PLXND1: variants seen among roughly 807,000 people sequenced by gnomAD.
PLXND1 encodes plexin D1.
Under a neutral mutation model 197.7 loss-of-function variants are expected in PLXND1, and 54 were observed. The observed-to-expected ratio is 0.27, with a 90% CI of 0.22 to 0.34. The LOEUF (loss-of-function observed/expected upper bound fraction) is 0.34, where lower values mean the gene tolerates loss of function less well. Among genes scored for constraint, PLXND1 ranks in the 10% least tolerant of loss-of-function variants. The pLI, the probability that PLXND1 is intolerant of heterozygous loss-of-function variation, is 1.00. For synonymous variants in PLXND1, 1,180 were observed against 1,161.2 expected (o/e 1.02, Z -0.33); for missense variants, 2,127 against 2,699.2 (o/e 0.79, Z 4.70).
chr3:129,573,710 G>A lies in PLXND1; in HGVS notation c.2721C>T (p.Thr907=), dbSNP rs747463698. The A allele has an allele frequency of 1.2e-6, 2 of 1,613,712 alleles. No individual in the cohort carries two copies. Among genetic ancestry groups the A allele is most frequent in the Admixed American group, 1.7e-5 (1 of 60,014 alleles). The part of the protein sequence containing the change: ...EPLSGPLDGG[T]LLTIRGRNLG... Reference sequence around the variant, plus strand: ...GGTTCCTTCCTCGGATGGTCAGCAGGGTCCCACCGTCCAACGGGCCACTCA... The same window carrying A: ...GGTTCCTTCCTCGGATGGTCAGCAGAGTCCCACCGTCCAACGGGCCACTCA... Residue 907 remains threonine (T), a synonymous_variant, in exon 13 of 36, where the codon ACC becomes ACT. Transcript: ENST00000324093.
Position 129,561,914 on chromosome 3 carries a change from A to C in PLXND1, c.4826-11T>G, listed in dbSNP as rs1489508877. The C allele has an allele frequency of 6.2e-7, 1 of 1,600,262 alleles. No individual in the cohort carries two copies. Among genetic ancestry groups the C allele is most frequent in the African/African-American group, 1.3e-5 (1 of 74,636 alleles). On this transcript the variant is annotated splice_polypyrimidine_tract_variant and intron_variant, in intron 27 of 35. Transcript: ENST00000324093. ...TGGAGGCGAACCACTCTGGGGGACA[A>C]GGGACAGGCCATCAGGGTCCGGGCA...
At position 129,560,727 on chromosome 3, in the gene PLXND1, T is replaced by C. The variant is rs2170774; in HGVS notation, c.4994-4A>G. 0.15 allele frequency: 229,132 copies of C among 1,571,764 alleles called. 19,329 individuals are homozygous for C. Among genetic ancestry groups the C allele is most frequent in the African/African-American group, 0.29 (21,446 of 73,794 alleles). ...TTCTCTGTGTCCAAGTCTTTCACTG[T>C]GAGAGGAAAAACACAATAAATAAAC... On this transcript the variant is annotated splice_polypyrimidine_tract_variant and splice_region_variant and intron_variant, in intron 29 of 35. Coordinates refer to ENST00000324093, the MANE Select transcript of PLXND1 (RefSeq NM_015103.3).
At chr3:129,585,405 C>T (rs1295411307) in intron 5 of PLXND1, among the ~76,000 whole-genome samples, 1 of 152,234 alleles carries the variant, frequency 6.6e-6, no homozygotes, top group Non-Finnish European at 1.5e-5. Context: ...ACCGCCAAGG[C>T]TGCCTGCCAG....
Position 129,571,250 on chromosome 3 carries a change from C to T in PLXND1, c.3390G>A (p.Leu1130=), listed in dbSNP as rs753179536. Residue 1130 remains leucine, a synonymous_variant, in exon 18 of 36, where the codon CTG becomes CTA. Transcript: ENST00000324093. ...AGTCCACTGGCGCTGATGCGTTGCT[C>T]AGGGCCCCGGGGGACGGGCAGGTGA... ...TLITCPSPGA[L]SNASAPVDFF... is the part of the protein sequence containing the mutation. The T allele has an allele frequency of 1.5e-5, 25 of 1,613,882 alleles. No homozygotes were observed. In the African/African-American group the frequency reaches 2.7e-4, roughly 17 times the overall value.
At position 129,572,855 on chromosome 3, in the gene PLXND1, C is replaced by T. The variant is rs200800403; in HGVS notation, c.2924G>A (p.Arg975His). 2.3e-5 allele frequency: 37 copies of T among 1,613,450 alleles called. No homozygotes were observed. The highest frequency in any genetic ancestry group is 1.5e-4 in the Admixed American group (9 of 59,990). Reference protein sequence around the residue: ...NASKEGKSRDRFSYVLPLVHS... With the variant: ...NASKEGKSRDHFSYVLPLVHS... ...GCCCCCCCTTACCACGTAGGAGAAG[C>T]GGTCCCGGGACTTGCCCTCCTTAGA... Residue 975 changes from arginine to histidine, a missense_variant, in exon 14 of 36, where the codon CGC becomes CAC. Arg to His is a conservative substitution (Grantham distance 29, BLOSUM62 0). Transcript: ENST00000324093.
intron 1 of PLXND1, among the ~76,000 whole-genome samples, chr3:129,596,084 G>A (rs531322126): frequency 1.3e-3 from 195 of 152,090 alleles, no homozygotes; most frequent in Non-Finnish European, 2.3e-3. Context: ...GACAGCAATA[G>A]CACCCACCAC....
At chr3:129,565,821 C>T in intron 24 of PLXND1, 66 bp downstream of exon 24, 4 of 1,556,242 alleles carry the variant, frequency 2.6e-6, no homozygotes, top group Non-Finnish European at 3.5e-6. Context: ...GGACCCAGGA[C>T]CTGATGCTGT....
At chr3:129,576,507 T>C (rs2085316316) in intron 9 of PLXND1, among the ~76,000 whole-genome samples, 1 of 152,170 alleles carries the variant, frequency 6.6e-6, no homozygotes. Context: ...CCCATCCCTG[T>C]GTGCCAGGCA....
At chr3:129,574,592 A>G (rs577746152) in intron 11 of PLXND1, 102 bp from the exon 12 acceptor site, 53 of 1,204,280 alleles carry the variant, frequency 4.4e-5, no homozygotes, top group Non-Finnish European at 5.8e-5. Context: ...TCTGCGCCCC[A>G]TCATTGTGGT....
At position 129,583,419 on chromosome 3, in the gene PLXND1, G is replaced by T. The variant is rs886976929; in HGVS notation, c.2241+148C>A. On this transcript the variant is annotated intron_variant, in intron 8 of 35. Coordinates refer to ENST00000324093, the MANE Select transcript of PLXND1 (RefSeq NM_015103.3). ...TCCAACTATAGGGCATGGGTTAAAC[G>T]CACCGTGGTATGTGATGAGCCCCAT... 47 of 603,058 alleles carry T rather than the reference G, an allele frequency of 7.8e-5. No individual in the cohort carries two copies. In the Admixed American group the frequency reaches 1.4e-3, roughly 18 times the overall value. The allele number at this position is 603,058 out of a possible 1,614,324, so 37.4% of individuals were successfully genotyped here. A position where few individuals can be genotyped will look rare whatever the true frequency, so the allele number is the denominator to read the frequency against.
Position 129,559,649 on chromosome 3 carries a change from G to T in PLXND1, c.5268C>A (p.Pro1756=), listed in dbSNP as rs75141161. Residue 1756 remains proline (P), a synonymous_variant, in exon 32 of 36, where the codon CCC becomes CCA. Coordinates refer to ENST00000324093, the MANE Select transcript of PLXND1 (RefSeq NM_015103.3). ...EQAEKRGISD[P]DTLHIWKTNS... ...TGGTCTTCCAGATGTGTAGGGTGTC[G>T]GGGTCGGAGATTCCCCTCTTCTCAG... The T allele has an allele frequency of 4.8e-5, 77 of 1,611,678 alleles. No homozygotes were observed. The highest frequency in any genetic ancestry group is 6.3e-5 in the Non-Finnish European group (74 of 1,178,878).
At chr3:129,601,465 C>T (rs142139667) in intron 1 of PLXND1, among the ~76,000 whole-genome samples, 3,874 of 152,202 alleles carry the variant, frequency 0.025, 74 homozygotes, top group Middle Eastern at 0.092. Context: ...TTCGTGAGAC[C>T]CTCAAGCAGG....
chr3:129,563,023 G>A (rs2713626), intron 26 of PLXND1, 71 bp downstream of exon 26: 16 of 1,610,364 alleles, frequency 9.9e-6, no homozygotes, highest in Non-Finnish European at 1.4e-5. Flanking sequence ...AGGCCCTGCA[G>A]AGGAAGGCTG....
At chr3:129,582,212 C>G (rs1020118958) in intron 8 of PLXND1, among the ~76,000 whole-genome samples, 1 of 152,266 alleles carries the variant, frequency 6.6e-6, no homozygotes, top group Non-Finnish European at 1.5e-5. Flanking sequence ...GCACTGCGAG[C>G]GAGCAGGGGA....
rs767859653 is a variant in PLXND1, at chr3:129,606,046, G to A, written c.594C>T (p.Pro198=). The A allele has an allele frequency of 1.3e-5, 20 of 1,591,730 alleles. No individual in the cohort carries two copies. Among genetic ancestry groups the A allele is most frequent in the Non-Finnish European group, 1.7e-5 (20 of 1,173,112 alleles). Reference sequence around the variant, plus strand: ...GGCGGCTGCCCCCCGCGCCCGCGGCGGGAGGCAGAACTAGCCCCACGGTGG... The same window carrying A: ...GGCGGCTGCCCCCCGCGCCCGCGGCAGGAGGCAGAACTAGCCCCACGGTGG... ...NASTVGLVLP[P]AAGAGGSRLL... The change falls in exon 1 of 36, where the codon CCC becomes CCT. Residue 198 remains proline, a synonymous_variant. Coordinates refer to ENST00000324093, the MANE Select transcript of PLXND1 (RefSeq NM_015103.3).
chr3:129,593,031 T>C (rs774540580), intron 1 of PLXND1, among the ~76,000 whole-genome samples: 1 of 152,198 alleles, frequency 6.6e-6, no homozygotes, highest in African/African-American at 2.4e-5. Context: ...TAAAGGCTAA[T>C]GAGCATGAGT....
chr3:129,560,573 C>T, intron 30 of PLXND1, 116 bp downstream of exon 30: 2 of 968,810 alleles, frequency 2.1e-6, no homozygotes, highest in Non-Finnish European at 3.3e-6. Flanking sequence ...TACTCCCCCA[C>T]CCCCCAGCCT....
intron 13 of PLXND1, 119 bp downstream of exon 13, chr3:129,573,475 G>T: frequency 9.4e-7 from 1 of 1,066,772 alleles, no homozygotes; most frequent in Non-Finnish European, 1.4e-6. Flanking sequence ...AGGCCACGAA[G>T]CAACAGTCTT....
intron 29 of PLXND1, chr3:129,561,048 T>A (rs1194924361): frequency 2.1e-6 from 1 of 471,728 alleles, no homozygotes; most frequent in Non-Finnish European, 4.2e-6. Context: ...TGACCCGGGA[T>A]GGAGGGACTT....
Sources: gnomAD v4.1 joint callset for allele counts (sites outside exome capture counted in the v4.1 genomes callset) on GRCh38, gnomAD v4.1.1 for gene constraint, MANE v1.5 for transcripts, NCBI Gene and HGNC (gene_info 2026-07-23, HGNC 2026-07-21) for gene names.